ADGRL3: variants seen among roughly 807,000 people sequenced by gnomAD.
The protein encoded by ADGRL3 is adhesion G protein-coupled receptor L3.
In ADGRL3, 62 loss-of-function variants were observed where a neutral mutation model predicts 153.5. The ratio of observed to expected loss-of-function variants is 0.40; its 90% CI spans 0.33 to 0.50. ADGRL3 has a LOEUF of 0.50. Among genes scored for constraint, ADGRL3 ranks in the 20% least tolerant of loss-of-function variants. ADGRL3 has a pLI of 0.47. For synonymous variants in ADGRL3, 710 were observed against 672.5 expected (o/e 1.06, Z -0.86); for missense variants, 1,641 against 1,859.4 (o/e 0.88, Z 2.16).
intron 1 of ADGRL3, among the ~76,000 whole-genome samples, chr4:61,364,529 A>C (rs1197752481): frequency 6.6e-6 from 1 of 152,068 alleles, no homozygotes; most frequent in East Asian, 1.9e-4. Context: ...CTTTTTTAAA[A>C]TATTTATTTA....
chr4:61,700,285 C>G (rs1401242782), intron 6 of ADGRL3, among the ~76,000 whole-genome samples: 1 of 124,902 alleles, frequency 8.0e-6, no homozygotes, highest in Non-Finnish European at 1.7e-5. Flanking sequence ...TGGCTTGTTG[C>G]CCTAAGTTTC....
At chr4:61,515,556 C>T (rs1363769766) in intron 3 of ADGRL3, among the ~76,000 whole-genome samples, 2 of 151,914 alleles carry the variant, frequency 1.3e-5, no homozygotes, top group Non-Finnish European at 2.9e-5. Flanking sequence ...AGAAGAGGTC[C>T]CAACATGTAA....
At chr4:61,793,748 A>G (rs1281974817) in intron 8 of ADGRL3, among the ~76,000 whole-genome samples, 2 of 152,212 alleles carry the variant, frequency 1.3e-5, no homozygotes, top group African/African-American at 4.8e-5. Flanking sequence ...ACGATAAGTT[A>G]TAAAGTATAG....
chr4:61,947,661 A>G (rs1238879572), intron 16 of ADGRL3, among the ~76,000 whole-genome samples: 1 of 152,212 alleles, frequency 6.6e-6, no homozygotes, highest in Non-Finnish European at 1.5e-5. Context: ...AAACAGAACT[A>G]GAGATGGTTC....
intron 4 of ADGRL3, among the ~76,000 whole-genome samples, chr4:61,542,381 T>C (rs1033233229): frequency 6.6e-6 from 1 of 152,174 alleles, no homozygotes; most frequent in African/African-American, 2.4e-5. Flanking sequence ...TGCAAAAAGT[T>C]CCCCTACGTC....
At chr4:61,682,830 C>G (rs2095365787) in intron 6 of ADGRL3, among the ~76,000 whole-genome samples, 1 of 152,068 alleles carries the variant, frequency 6.6e-6, no homozygotes, top group Non-Finnish European at 1.5e-5. Context: ...CTTCTTTTAT[C>G]TTCCTTTCAT....
rs574361993 is a variant in ADGRL3 at position 61,539,222 on chromosome 4, G to C, written c.259+21704G>C. ...CAGTGCTAGCTTACTTTCAATAGGG[G>C]TGCAGCTGCCGCAAAATGCACAGAG... On this transcript the variant is annotated intron_variant, in intron 4 of 26. Transcript: ENST00000683033. Among the ~76,000 whole-genome samples the C allele has an allele frequency of 4.6e-5, 7 of 152,306 alleles. No homozygotes were observed. The South Asian group carries it at 1.4e-3, about 32-fold the overall frequency.
intron 2 of ADGRL3, among the ~76,000 whole-genome samples, chr4:61,466,284 A>G (rs1051007351): frequency 1.3e-5 from 2 of 152,214 alleles, no homozygotes; most frequent in African/African-American, 2.4e-5. Context: ...ATATCAGAAT[A>G]CAAATTTTAG....
intron 1 of ADGRL3, among the ~76,000 whole-genome samples, chr4:61,300,478 G>A (rs2094544612): frequency 6.6e-6 from 1 of 152,168 alleles, no homozygotes; most frequent in Admixed American, 6.5e-5. Flanking sequence ...TGGATAAGGG[G>A]TAGCACTGCA....
chr4:61,953,500 C>T (rs1439373339), intron 17 of ADGRL3, among the ~76,000 whole-genome samples: 1 of 152,180 alleles, frequency 6.6e-6, no homozygotes, highest in African/African-American at 2.4e-5. Flanking sequence ...AAGATACTGA[C>T]ACACTGCCTA....
intron 5 of ADGRL3, among the ~76,000 whole-genome samples, chr4:61,637,485 CT>C (rs1221310329): frequency 1.3e-5 from 2 of 152,142 alleles, no homozygotes; most frequent in African/African-American, 4.8e-5. Flanking sequence ...CAGTAGAGGC[CT>C]GGCGTGGTGA....
At chr4:61,767,832 A>G (rs2097017849) in intron 8 of ADGRL3, among the ~76,000 whole-genome samples, 1 of 152,016 alleles carries the variant, frequency 6.6e-6, no homozygotes, top group South Asian at 2.1e-4. Flanking sequence ...TGTGCTGGAG[A>G]TGTGGCTGAG....
chr4:61,592,073 C>CAA (rs34116654), intron 5 of ADGRL3, among the ~76,000 whole-genome samples: 58,871 of 123,164 alleles, frequency 0.48, 13,486 homozygotes, highest in East Asian at 0.62. Context: ...GAAACTGCTT[C>CAA]AAAAAAAAAA....
intron 8 of ADGRL3, among the ~76,000 whole-genome samples, chr4:61,811,892 C>T (rs2097628634): frequency 6.6e-6 from 1 of 151,920 alleles, no homozygotes; most frequent in Non-Finnish European, 1.5e-5. Flanking sequence ...AGCAATGTTC[C>T]AGTATTATAC....
intron 4 of ADGRL3, among the ~76,000 whole-genome samples, chr4:61,532,857 A>G (rs764755173): frequency 6.6e-6 from 1 of 152,090 alleles, no homozygotes; most frequent in Non-Finnish European, 1.5e-5. Flanking sequence ...TGTGTTTGGC[A>G]TACACTGCAA....
intron 3 of ADGRL3, among the ~76,000 whole-genome samples, chr4:61,512,377 A>G (rs1004274585): frequency 6.6e-6 from 1 of 152,124 alleles, no homozygotes; most frequent in African/African-American, 2.4e-5. Context: ...ATTTTAAGTG[A>G]CTTTTGAGGA....
rs1047926247 is a variant in ADGRL3 at position 62,071,675 on chromosome 4, G to A, written c.*767G>A. On this transcript the variant is annotated 3_prime_UTR_variant, in exon 27 of 27. Transcript: ENST00000683033. Reference sequence around the variant, plus strand: ...GAAATTTTCTTTTTCTTTTGTGCTGGTCTTGCAAGTTTGTCTACCAGTAAG... The same window carrying A: ...GAAATTTTCTTTTTCTTTTGTGCTGATCTTGCAAGTTTGTCTACCAGTAAG... 5.0e-6 allele frequency: 2 copies of A among 400,750 alleles called. No homozygotes were observed. The highest frequency in any genetic ancestry group is 4.3e-5 in the African/African-American group (2 of 46,282). 24.8% of individuals were successfully genotyped at this position (400,750 alleles called of 1,614,324 possible).
chr4:61,571,038 G>A (rs1218982335), intron 4 of ADGRL3, among the ~76,000 whole-genome samples: 2 of 152,076 alleles, frequency 1.3e-5, no homozygotes, highest in South Asian at 2.1e-4. Flanking sequence ...TGTAATCAAG[G>A]TTATCTCAAA....
intron 2 of ADGRL3, among the ~76,000 whole-genome samples, chr4:61,450,456 T>C (rs2097660167): frequency 6.6e-6 from 1 of 152,150 alleles, no homozygotes; most frequent in Admixed American, 6.6e-5. Context: ...AAGTACTGTA[T>C]AGTTTAGTCT....
Sources: allele counts gnomAD v4.1 joint callset (sites outside exome capture counted in the v4.1 genomes callset), GRCh38; gene constraint gnomAD v4.1.1; transcripts MANE v1.5; gene names NCBI Gene and HGNC (gene_info 2026-07-23, HGNC 2026-07-21).